MICU1: variants seen among roughly 807,000 people sequenced by gnomAD.
MICU1 encodes mitochondrial calcium uptake 1.
MICU1 carries 45 observed loss-of-function variants against 56.8 expected under a neutral mutation model. The ratio of observed to expected loss-of-function variants is 0.79; its 90% CI spans 0.62 to 1.02. MICU1 has a LOEUF of 1.02. MICU1 is among the 50% of genes least tolerant of loss of function. The pLI is 0.00. For missense variants in MICU1, 504 were observed against 587.1 expected (o/e 0.86, Z 1.46); for synonymous variants, 186 against 195.1 (o/e 0.95, Z 0.39).
intron 6 of MICU1, among the ~76,000 whole-genome samples, chr10:72,506,213 CT>C (rs1484473894): frequency 6.6e-6 from 1 of 152,064 alleles, no homozygotes; most frequent in African/African-American, 2.4e-5. Context: ...GTCATTGTGA[CT>C]TTTTAAAAAC....
intron 8 of MICU1, among the ~76,000 whole-genome samples, chr10:72,453,519 T>TTATG (rs1865359836): frequency 6.7e-6 from 1 of 150,016 alleles, no homozygotes; most frequent in Non-Finnish European, 1.5e-5. Flanking sequence ...TTTATTTTAC[T>TTATG]TATTTATTTA....
chr10:72,489,430 G>T (rs536253203), intron 6 of MICU1, among the ~76,000 whole-genome samples: 1 of 152,220 alleles, frequency 6.6e-6, no homozygotes, highest in African/African-American at 2.4e-5. Context: ...AGGAAATTGA[G>T]GTTTATTTAC....
At chr10:72,449,181 T>C (rs960621752) in intron 8 of MICU1, among the ~76,000 whole-genome samples, 1 of 152,168 alleles carries the variant, frequency 6.6e-6, no homozygotes, top group African/African-American at 2.4e-5. Flanking sequence ...GCAGATCACA[T>C]GAGGTCAGGA....
chr10:72,379,570 G>A (rs971066666), intron 10 of MICU1: 2 of 429,808 alleles, frequency 4.7e-6, no homozygotes, highest in Admixed American at 2.5e-5. Flanking sequence ...TCCCCATGAA[G>A]ATGGTGCCCT....
chr10:72,514,091 T>C (rs759687744), intron 5 of MICU1, among the ~76,000 whole-genome samples: 12 of 152,154 alleles, frequency 7.9e-5, no homozygotes, highest in Non-Finnish European at 1.8e-4. Context: ...TCAAGTTCAC[T>C]AATTCTTTCT....
At chr10:72,548,185 A>C (rs2132437713) in intron 4 of MICU1, among the ~76,000 whole-genome samples, 1 of 152,360 alleles carries the variant, frequency 6.6e-6, no homozygotes, top group South Asian at 2.1e-4. Context: ...AACACTGTAC[A>C]ACTAACTGCT....
At chr10:72,377,868 C>G (rs1157865446) in intron 10 of MICU1, among the ~76,000 whole-genome samples, 2 of 152,032 alleles carry the variant, frequency 1.3e-5, no homozygotes, top group African/African-American at 4.8e-5. Context: ...TCATTTTTTG[C>G]ATTTGATCTT....
At chr10:72,423,195 A>T (rs926658823) in intron 9 of MICU1, 39 bp downstream of exon 9, 5 of 1,599,812 alleles carry the variant, frequency 3.1e-6, no homozygotes, top group Non-Finnish European at 4.3e-6. Flanking sequence ...ACCATACATT[A>T]CCACGGTTTC....
At chr10:72,498,770 A>G (rs1866934845) in intron 6 of MICU1, among the ~76,000 whole-genome samples, 1 of 152,174 alleles carries the variant, frequency 6.6e-6, no homozygotes, top group Non-Finnish European at 1.5e-5. Flanking sequence ...AGTCACAGAA[A>G]GCTTTACAGG....
At chr10:72,404,402 G>C (rs1863562124) in intron 10 of MICU1, among the ~76,000 whole-genome samples, 1 of 152,164 alleles carries the variant, frequency 6.6e-6, no homozygotes, top group South Asian at 2.1e-4. Context: ...CTGAAAATAA[G>C]TGAAGGAATA....
intron 1 of MICU1, among the ~76,000 whole-genome samples, chr10:72,576,314 T>C (rs990790964): frequency 6.7e-6 from 1 of 149,808 alleles, no homozygotes; most frequent in African/African-American, 2.5e-5. Flanking sequence ...GGCCAAAAGT[T>C]AGCCAAGCTG....
chr10:72,501,078 C>T (rs991523489), intron 6 of MICU1, among the ~76,000 whole-genome samples: 1 of 151,966 alleles, frequency 6.6e-6, no homozygotes, highest in African/African-American at 2.4e-5. Flanking sequence ...CTTCATCTTG[C>T]CTAGAATGAA....
chr10:72,500,257 CATACATATATATATATAT>C lies in MICU1; in HGVS notation c.652+7880_652+7897del, dbSNP rs1361031190. Among the ~76,000 whole-genome samples, 250 of 47,758 alleles carry C rather than the reference CATACATATATATATATAT, an allele frequency of 5.2e-3. 11 individuals are homozygous for C. The highest frequency in any genetic ancestry group is 0.018 in the African/African-American group (237 of 13,216). The allele number at this position is 47,758 out of a possible 152,430, so 31.3% of individuals were successfully genotyped here. On this transcript the variant is annotated intron_variant, in intron 6 of 11. Coordinates refer to ENST00000361114, the MANE Select transcript of MICU1 (RefSeq NM_001195518.2). ...TGATAAACTATTATATACATACATA[CATACATATATATATATAT>C]ATATATATATATATATATATATATA...
chr10:72,476,226 C>CA (rs71018297), intron 7 of MICU1, among the ~76,000 whole-genome samples: 43,966 of 73,708 alleles, frequency 0.6, 12,908 homozygotes, highest in Non-Finnish European at 0.66. Flanking sequence ...GACTCCATCT[C>CA]AAAAAAAAAA....
chr10:72,448,948 TG>T (rs1865207781), intron 8 of MICU1, among the ~76,000 whole-genome samples: 1 of 152,176 alleles, frequency 6.6e-6, no homozygotes, highest in South Asian at 2.1e-4. Flanking sequence ...TTGTTTTGGT[TG>T]TTTTAGATAG....
chr10:72,458,473 T>C (rs1020199743), intron 8 of MICU1, among the ~76,000 whole-genome samples: 2 of 152,200 alleles, frequency 1.3e-5, no homozygotes, highest in Admixed American at 1.3e-4. Context: ...ACCGCATTTA[T>C]TTTTCCAGTT....
At chr10:72,432,953 A>G (rs145006741) in intron 8 of MICU1, among the ~76,000 whole-genome samples, 1 of 152,198 alleles carries the variant, frequency 6.6e-6, no homozygotes, top group East Asian at 1.9e-4. Flanking sequence ...TTCTTCCTTT[A>G]TGTTTTTTTT....
At chr10:72,450,756 A>G (rs1343856506) in intron 8 of MICU1, among the ~76,000 whole-genome samples, 1 of 137,524 alleles carries the variant, frequency 7.3e-6, no homozygotes, top group African/African-American at 2.8e-5. Flanking sequence ...ATGGGATCTC[A>G]CTCTCTCATC....
intron 3 of MICU1, among the ~76,000 whole-genome samples, chr10:72,557,557 A>C (rs1840188606): frequency 1.3e-5 from 2 of 152,224 alleles, no homozygotes; most frequent in Admixed American, 1.3e-4. Context: ...TCTTGTGACC[A>C]GAAGACATAA....
Sources: gnomAD v4.1 joint callset for allele counts (sites outside exome capture counted in the v4.1 genomes callset) on GRCh38, gnomAD v4.1.1 for gene constraint, MANE v1.5 for transcripts, NCBI Gene and HGNC (gene_info 2026-07-23, HGNC 2026-07-21) for gene names.